Variants in TBL1X observed in about 807,000 individuals in gnomAD.
TBL1X encodes the protein transducin beta like 1 X-linked, also known as F-box-like/WD repeat-containing protein TBL1X.
A neutral mutation model predicts 50.7 loss-of-function variants in TBL1X; 10 were observed. That is an observed-to-expected ratio of 0.20 (90% CI 0.12 to 0.33). TBL1X has a LOEUF of 0.33. TBL1X is among the 10% of genes least tolerant of loss of function. TBL1X has a pLI of 1.00. For synonymous variants in TBL1X, 190 were observed against 214.7 expected (o/e 0.88, Z 1.01); for missense variants, 340 against 504.4 (o/e 0.67, Z 3.12).
At position 9,502,566 on chromosome X, in the gene TBL1X, A is replaced by G. The variant is rs184798462; in HGVS notation, c.-131+717A>G. ...AACATGGGGTACTTACCAGCTGGCAAGGAGCAGAGCTGGGGTTCACATTCA... is the reference window on the plus strand; with the variant it reads ...AACATGGGGTACTTACCAGCTGGCAGGGAGCAGAGCTGGGGTTCACATTCA... On this transcript the variant is annotated intron_variant, in intron 2 of 17. Coordinates refer to ENST00000645353, the MANE Select transcript of TBL1X (RefSeq NM_005647.4). Among the ~76,000 whole-genome samples the G allele has an allele frequency of 7.1e-5, 8 of 112,316 alleles. No homozygotes were observed. In the East Asian group the frequency reaches 2.2e-3, roughly 31 times the overall value.
chrX:9,698,016 C>G (rs981146113), intron 12 of TBL1X, among the ~76,000 whole-genome samples: 5 of 111,645 alleles, frequency 4.5e-5, no homozygotes, highest in Non-Finnish European at 9.4e-5. Flanking sequence ...GCCAGGAAAT[C>G]AAGGTTGCAG....
intron 12 of TBL1X, among the ~76,000 whole-genome samples, chrX:9,701,972 C>T (rs762197855): frequency 2.1e-4 from 23 of 111,834 alleles, no homozygotes; most frequent in African/African-American, 6.8e-4. Context: ...CCACACCTTC[C>T]GCCTGCAGGG....
intron 1 of TBL1X, among the ~76,000 whole-genome samples, chrX:9,488,264 T>C (rs925295851): frequency 8.9e-6 from 1 of 112,380 alleles, no homozygotes; most frequent in Non-Finnish European, 1.9e-5. Context: ...AGGCCAGAAG[T>C]CTGAAATGGG....
intron 2 of TBL1X, among the ~76,000 whole-genome samples, chrX:9,632,730 T>C (rs1359338057): frequency 8.9e-6 from 1 of 112,405 alleles, no homozygotes; most frequent in Admixed American, 9.4e-5. Context: ...TTGGACCTTT[T>C]AGAGTTGGGT....
At chrX:9,484,916 TAA>T (rs760004328) in intron 1 of TBL1X, among the ~76,000 whole-genome samples, 43 of 41,281 alleles carry the variant, frequency 1.0e-3, no homozygotes, top group Admixed American at 9.2e-4. Flanking sequence ...ACCCTGGCAC[TAA>T]AAAAAAAAAA....
intron 1 of TBL1X, among the ~76,000 whole-genome samples, chrX:9,492,961 G>A (rs766089186): frequency 3.8e-4 from 41 of 107,050 alleles, no homozygotes; most frequent in Non-Finnish European, 5.2e-4. Flanking sequence ...TGCTTTTGAG[G>A]ACAAGCAATG....
At chrX:9,604,797 G>A (rs1384186332) in intron 2 of TBL1X, among the ~76,000 whole-genome samples, 1 of 110,972 alleles carries the variant, frequency 9.0e-6, no homozygotes, top group Non-Finnish European at 1.9e-5. Context: ...CGGGGCTTCT[G>A]AGCCCGGCCC....
intron 2 of TBL1X, among the ~76,000 whole-genome samples, chrX:9,590,994 G>A (rs1298731968): frequency 1.0e-5 from 1 of 95,593 alleles, no homozygotes; most frequent in Non-Finnish European, 2.1e-5. Context: ...TGTGTGGGGG[G>A]GATAGTTGGG....
intron 2 of TBL1X, among the ~76,000 whole-genome samples, chrX:9,518,621 G>C (rs1258672038): frequency 8.9e-6 from 1 of 111,756 alleles, no homozygotes; most frequent in Non-Finnish European, 1.9e-5. Flanking sequence ...CCTAAGGGCT[G>C]TTGCATGAAA....
intron 1 of TBL1X, among the ~76,000 whole-genome samples, chrX:9,475,081 C>T (rs1569201180): frequency 9.0e-6 from 1 of 111,532 alleles, no homozygotes; most frequent in Non-Finnish European, 1.9e-5. Context: ...GCCATGTTGG[C>T]CAGGCTGGTC....
At chrX:9,518,348 T>A (rs1358022635) in intron 2 of TBL1X, among the ~76,000 whole-genome samples, 2 of 111,944 alleles carry the variant, frequency 1.8e-5, no homozygotes, top group African/African-American at 6.5e-5. Context: ...TGAAGGCACG[T>A]ACCATCTTGG....
intron 2 of TBL1X, among the ~76,000 whole-genome samples, chrX:9,583,477 A>C (rs1463105599): frequency 6.2e-5 from 7 of 112,203 alleles, no homozygotes; most frequent in Non-Finnish European, 1.3e-4. Flanking sequence ...AGGGGAATAC[A>C]GATTATCTTT....
At chrX:9,614,121 C>T (rs2082628231) in intron 2 of TBL1X, among the ~76,000 whole-genome samples, 3 of 111,383 alleles carry the variant, frequency 2.7e-5, no homozygotes, top group African/African-American at 9.8e-5. Context: ...TTTGAAATTA[C>T]AGGCTCACAG....
At chrX:9,487,987 A>G in intron 1 of TBL1X, among the ~76,000 whole-genome samples, 1 of 111,669 alleles carries the variant, frequency 9.0e-6, no homozygotes, top group Non-Finnish European at 1.9e-5. Flanking sequence ...TACTTTTCTG[A>G]ATTTATCAAA....
chrX:9,675,806 G>A (rs1193121395), intron 5 of TBL1X, among the ~76,000 whole-genome samples: 1 of 107,968 alleles, frequency 9.3e-6, no homozygotes, highest in African/African-American at 3.4e-5. Flanking sequence ...CAGGAGAATC[G>A]CTTGAACCTG....
chrX:9,549,817 G>T (rs779991291), intron 2 of TBL1X, among the ~76,000 whole-genome samples: 8 of 111,762 alleles, frequency 7.2e-5, no homozygotes, highest in African/African-American at 2.3e-4. Flanking sequence ...TAGGAGGGCT[G>T]GGGGTCAGGA....
In TBL1X at chrX:9,698,805, G is replaced by A. The variant is rs757062908; in HGVS notation, c.1114+1376G>A. 5.4e-5 allele frequency among the ~76,000 whole-genome samples: 6 copies of A among 111,922 alleles called. No individual in the cohort carries two copies. The South Asian group carries it at 2.3e-3, about 42-fold the overall frequency. On this transcript the variant is annotated intron_variant, in intron 12 of 17. Coordinates refer to ENST00000645353, the MANE Select transcript of TBL1X (RefSeq NM_005647.4). ...AAGCCTCTGTAGGGAGATCAGCCTC[G>A]GGCCTGTGGTGTTAGCACCTTCCTA...
chrX:9,627,441 T>A (rs2082698190), intron 2 of TBL1X, among the ~76,000 whole-genome samples: 1 of 112,214 alleles, frequency 8.9e-6, no homozygotes, highest in South Asian at 3.7e-4. Context: ...GTGGACTAAC[T>A]ATAGCCAAGA....
intron 2 of TBL1X, among the ~76,000 whole-genome samples, chrX:9,557,639 T>G: frequency 9.0e-6 from 1 of 111,105 alleles, no homozygotes; most frequent in Admixed American, 9.6e-5. Flanking sequence ...GAGAGCAAAT[T>G]TACTTTTGAA....
Sources: allele counts gnomAD v4.1 joint callset (sites outside exome capture counted in the v4.1 genomes callset), GRCh38; gene constraint gnomAD v4.1.1; transcripts MANE v1.5; gene names NCBI Gene and HGNC (gene_info 2026-07-23, HGNC 2026-07-21).